The following ARHGAP6 variants were observed in gnomAD, a reference collection of about 807,000 sequenced individuals.
ARHGAP6 encodes the protein rho GTPase-activating protein 6.
ARHGAP6 carries 16 observed loss-of-function variants against 55.7 expected under a neutral mutation model. That is an observed-to-expected ratio of 0.29 (90% confidence interval 0.19 to 0.44). The LOEUF is 0.44. Among genes scored for constraint, ARHGAP6 ranks in the 20% least tolerant of loss-of-function variants. The pLI is 1.00. For missense variants in ARHGAP6, 698 were observed against 808.9 expected, an observed-to-expected ratio of 0.86 and a Z score of 1.66; for synonymous variants, 382 against 360.9, an observed-to-expected ratio of 1.06 and a Z score of -0.66.
intron 1 of ARHGAP6, among the ~76,000 whole-genome samples, chrX:11,458,730 G>A (rs1186811365): frequency 8.9e-6 from 1 of 111,828 alleles, no homozygotes; most frequent in African/African-American, 3.2e-5. Flanking sequence ...TCATGTGCTA[G>A]GCATTGTTCT....
intron 9 of ARHGAP6, among the ~76,000 whole-genome samples, chrX:11,167,112 T>C (rs2046027637): frequency 8.9e-6 from 1 of 112,095 alleles, no homozygotes; most frequent in Non-Finnish European, 1.9e-5. Context: ...CATTGAGTCA[T>C]TCATTAATTC....
chrX:11,565,262 T>G (rs769537365), intron 1 of ARHGAP6, among the ~76,000 whole-genome samples: 7 of 112,144 alleles, frequency 6.2e-5, no homozygotes, highest in South Asian at 7.4e-4. Context: ...AGATCAGAAA[T>G]GTTTTTCTCA....
At chrX:11,645,350 G>T (rs770907280) in intron 1 of ARHGAP6, among the ~76,000 whole-genome samples, 1 of 110,531 alleles carries the variant, frequency 9.0e-6, no homozygotes, top group Admixed American at 9.6e-5. Context: ...ATATTAATAT[G>T]GACTACTCAA....
chrX:11,349,440 G>T (rs2048830296), intron 1 of ARHGAP6, among the ~76,000 whole-genome samples: 1 of 111,345 alleles, frequency 9.0e-6, no homozygotes, highest in Non-Finnish European at 1.9e-5. Context: ...CAGGGCAGGG[G>T]TTTGTGTCTG....
At chrX:11,340,353 C>T (rs2048688211) in intron 1 of ARHGAP6, among the ~76,000 whole-genome samples, 1 of 112,141 alleles carries the variant, frequency 8.9e-6, no homozygotes, top group African/African-American at 3.2e-5. Flanking sequence ...TCCCCACCCA[C>T]ACCTCACACA....
At chrX:11,637,300 T>G in intron 1 of ARHGAP6, among the ~76,000 whole-genome samples, 1 of 111,178 alleles carries the variant, frequency 9.0e-6, no homozygotes, top group Non-Finnish European at 1.9e-5. Context: ...ATAAGAGAGT[T>G]GAAATGGCCA....
intron 1 of ARHGAP6, among the ~76,000 whole-genome samples, chrX:11,476,963 T>A (rs1026940027): frequency 4.5e-5 from 5 of 110,931 alleles, no homozygotes; most frequent in Admixed American, 3.8e-4. Flanking sequence ...GATGAAAATA[T>A]TAAAAATTGG....
At chrX:11,557,769 AAGT>A (rs1262186434) in intron 1 of ARHGAP6, among the ~76,000 whole-genome samples, 1 of 112,241 alleles carries the variant, frequency 8.9e-6, no homozygotes, top group African/African-American at 3.2e-5. Context: ...CCACAATATA[AAGT>A]AGGAATTTGG....
intron 4 of ARHGAP6, among the ~76,000 whole-genome samples, chrX:11,187,739 C>A (rs563104856): frequency 8.9e-6 from 1 of 111,898 alleles, no homozygotes; most frequent in Non-Finnish European, 1.9e-5. Context: ...CAGGTCTCCA[C>A]GTGACAGAGG....
intron 3 of ARHGAP6, among the ~76,000 whole-genome samples, chrX:11,190,703 A>T (rs958812004): frequency 5.4e-5 from 6 of 111,053 alleles, no homozygotes; most frequent in African/African-American, 1.6e-4. Context: ...ATGTCTGCTC[A>T]GGTGGGCATA....
intron 1 of ARHGAP6, among the ~76,000 whole-genome samples, chrX:11,324,664 C>T (rs1027028309): frequency 1.8e-5 from 2 of 111,203 alleles, no homozygotes; most frequent in Admixed American, 9.5e-5. Flanking sequence ...ATTGCAATGA[C>T]ATGGTAAAAT....
intron 8 of ARHGAP6, among the ~76,000 whole-genome samples, chrX:11,174,749 G>A (rs1028817709): frequency 4.9e-5 from 5 of 102,823 alleles, no homozygotes; most frequent in Non-Finnish European, 9.8e-5. Flanking sequence ...GTGCAGTGGC[G>A]TGATCTCGGA....
chrX:11,324,476 C>T (rs1398399138), intron 1 of ARHGAP6, among the ~76,000 whole-genome samples: 1 of 106,192 alleles, frequency 9.4e-6, no homozygotes, highest in Non-Finnish European at 2.0e-5. Context: ...CAACAATGCT[C>T]CTGGATCACT....
At chrX:11,475,213 T>C (rs1294125598) in intron 1 of ARHGAP6, among the ~76,000 whole-genome samples, 1 of 111,499 alleles carries the variant, frequency 9.0e-6, no homozygotes, top group Non-Finnish European at 1.9e-5. Flanking sequence ...ACTGTTTCCA[T>C]TCTTCTTGTG....
rs899747979 is a variant in ARHGAP6, at chrX:11,179,434, G to T, written c.1348C>A (p.Arg450Ser). ...RVRQLREEFD[R>S]GIDVSLEEEH... Reference sequence around the variant, plus strand: ...TCCTCCAGAGAGACATCAATCCCACGGTCAAATTCCTCACGTAACTGGAAG... The same window carrying T: ...TCCTCCAGAGAGACATCAATCCCACTGTCAAATTCCTCACGTAACTGGAAG... Residue 450 changes from arginine (R) to serine (S), a missense_variant, in exon 7 of 13, where the codon CGT (arginine) becomes AGT (serine). By Grantham distance (110) the Arg-to-Ser change is moderately radical (BLOSUM62 -1). Transcript: ENST00000337414. The T allele has an allele frequency of 8.3e-7, 1 of 1,208,281 alleles. No individual in the cohort carries two copies. The highest frequency in any genetic ancestry group is 3.0e-5 in the East Asian group (1 of 33,721).
intron 1 of ARHGAP6, among the ~76,000 whole-genome samples, chrX:11,624,608 G>A (rs995327597): frequency 4.5e-5 from 5 of 112,094 alleles, no homozygotes; most frequent in South Asian, 3.7e-4. Context: ...TCGCTTTGTC[G>A]CCCAGGCCGG....
chrX:11,285,298 A>G (rs1298897876), intron 1 of ARHGAP6, among the ~76,000 whole-genome samples: 1 of 110,887 alleles, frequency 9.0e-6, no homozygotes, highest in Non-Finnish European at 1.9e-5. Flanking sequence ...AAAGGGGAAA[A>G]TCTTAAAAAT....
At chrX:11,252,621 CAG>C (rs1422199899) in intron 2 of ARHGAP6, among the ~76,000 whole-genome samples, 2 of 112,514 alleles carry the variant, frequency 1.8e-5, no homozygotes, top group Non-Finnish European at 3.8e-5. Context: ...AAAAATAAAA[CAG>C]GGTGGGGATT....
At chrX:11,313,000 T>C (rs2048317973) in intron 1 of ARHGAP6, among the ~76,000 whole-genome samples, 1 of 112,255 alleles carries the variant, frequency 8.9e-6, no homozygotes, top group South Asian at 3.7e-4. Context: ...AGTAATCTTC[T>C]TAAAGACAAT....
Sources: gnomAD v4.1 joint callset for allele counts (sites outside exome capture counted in the v4.1 genomes callset) on GRCh38, gnomAD v4.1.1 for gene constraint, MANE v1.5 for transcripts, NCBI Gene and HGNC (gene_info 2026-07-23, HGNC 2026-07-21) for gene names.